Variants in UTP4 observed in about 807,000 individuals in gnomAD.
UTP4 encodes the protein U3 small nucleolar RNA-associated protein 4 homolog.
In UTP4, 45 loss-of-function variants were observed where a neutral mutation model predicts 82.4. That is an observed-to-expected ratio of 0.55 (90% CI 0.43 to 0.70). The LOEUF is 0.70. Among genes scored for constraint, UTP4 ranks in the 30% least tolerant of loss-of-function variants. The pLI is 0.00. For synonymous variants in UTP4, 348 were observed against 300.3 expected (o/e 1.16, Z -1.64); for missense variants, 819 against 858.3 (o/e 0.95, Z 0.57).
intron 13 of UTP4, among the ~76,000 whole-genome samples, chr16:69,161,229 C>T (rs536802370): frequency 6.6e-5 from 10 of 152,328 alleles, no homozygotes; most frequent in African/African-American, 1.7e-4. Context: ...TCAGTAATGA[C>T]GCTGTCAGTC....
chr16:69,152,465 T>C lies in UTP4; in HGVS notation c.1003-1119T>C, dbSNP rs557936053. ...CAGGCTCAGCTAATTTCTGTTTTTC[T>C]TTTTTTTTTTTTTTTTTTTTTGAGA... On this transcript the variant is annotated intron_variant, in intron 8 of 16. Coordinates refer to ENST00000314423, the MANE Select transcript of UTP4 (RefSeq NM_032830.3). Among the ~76,000 whole-genome samples the C allele has an allele frequency of 4.4e-4, 42 of 94,422 alleles. No individual in the cohort carries two copies. In the East Asian group the frequency reaches 9.0e-3, roughly 20 times the overall value. 61.9% of individuals were successfully genotyped at this position (94,422 alleles called of 152,430 possible).
chr16:69,135,146 G>C (rs1962779876), intron 2 of UTP4, among the ~76,000 whole-genome samples: 1 of 151,842 alleles, frequency 6.6e-6, no homozygotes, highest in Non-Finnish European at 1.5e-5. Context: ...AATTTTATGA[G>C]GATAGGAACC....
intron 4 of UTP4, chr16:69,139,143 G>T (rs1597134131): frequency 6.7e-6 from 1 of 150,000 alleles, no homozygotes; most frequent in African/African-American, 2.5e-5. Flanking sequence ...TAGTTTTTGT[G>T]TTTTTAGTAG....
intron 13 of UTP4, among the ~76,000 whole-genome samples, chr16:69,161,853 G>T (rs1047955601): frequency 1.3e-5 from 2 of 151,940 alleles, no homozygotes; most frequent in African/African-American, 4.8e-5. Context: ...GTAGAGATGA[G>T]GTTTTGCTGT....
intron 15 of UTP4, chr16:69,165,850 C>A: frequency 4.4e-6 from 2 of 453,342 alleles, no homozygotes; most frequent in Admixed American, 3.4e-5. Flanking sequence ...CGGAAGGTGA[C>A]CCTCATCCGG....
chr16:69,151,325 CT>C (rs75659040), intron 8 of UTP4, among the ~76,000 whole-genome samples: 169 of 124,714 alleles, frequency 1.4e-3, no homozygotes, highest in Middle Eastern at 5.0e-3. Context: ...CTTTTTTTTT[CT>C]TTTTTTTTTT....
chr16:69,158,505 T>G (rs1015864369), intron 12 of UTP4, among the ~76,000 whole-genome samples: 1 of 152,070 alleles, frequency 6.6e-6, no homozygotes, highest in Admixed American at 6.6e-5. Context: ...GTTCATAAGC[T>G]GATCCAGAAG....
chr16:69,140,703 A>C (rs188497585), intron 5 of UTP4, among the ~76,000 whole-genome samples: 85 of 152,164 alleles, frequency 5.6e-4, no homozygotes, highest in African/African-American at 2.0e-3. Context: ...AGCTTATTAC[A>C]AAAAAGAGGG....
At chr16:69,156,973 G>T in intron 11 of UTP4, 111 bp from the exon 12 acceptor site, 1 of 1,103,642 alleles carries the variant, frequency 9.1e-7, no homozygotes, top group Non-Finnish European at 1.4e-6. Flanking sequence ...GAGTCAGTTG[G>T]CTTACTTAGA....
At chr16:69,159,484 T>TC (rs1300201036) in intron 12 of UTP4, among the ~76,000 whole-genome samples, 5 of 151,650 alleles carry the variant, frequency 3.3e-5, no homozygotes, top group African/African-American at 1.2e-4. Flanking sequence ...GGTCAAGAGA[T>TC]CGAGACCATG....
Position 69,153,625 on chromosome 16 carries a change from C to T in UTP4, c.1044C>T (p.Leu348=). 1 of 1,613,632 alleles carries T rather than the reference C, an allele frequency of 6.2e-7. No homozygotes were observed. The highest frequency in any genetic ancestry group is 1.3e-5 in the African/African-American group (1 of 75,044). Reference sequence around the variant, plus strand: ...GTTCTAAAAAGAGGCAGCTTCTCCTCTTCCAGTTTGCTCATCACTTAGAAC... The same window carrying T: ...GTTCTAAAAAGAGGCAGCTTCTCCTTTTCCAGTTTGCTCATCACTTAGAAC... ...ISCSKKRQLL[L]FQFAHHLELW... is the part of the protein sequence containing the mutation. The change falls in exon 9 of 17, where the codon CTC becomes CTT. Residue 348 remains leucine (L), a synonymous_variant. Transcript: ENST00000314423.
intron 13 of UTP4, among the ~76,000 whole-genome samples, chr16:69,160,764 T>G (rs1963544480): frequency 6.6e-6 from 1 of 151,874 alleles, no homozygotes; most frequent in African/African-American, 2.4e-5. Context: ...ACCTGGCTAA[T>G]TTTTGTATTT....
chr16:69,166,938 A>G (rs900183639), intron 15 of UTP4, 137 bp from the exon 16 acceptor site: 2 of 671,746 alleles, frequency 3.0e-6, no homozygotes, highest in Admixed American at 2.5e-5. Flanking sequence ...GTTTTCCCGA[A>G]TTAACGAATG....
chr16:69,164,031 C>T (rs1035592449), intron 14 of UTP4, among the ~76,000 whole-genome samples: 2 of 151,904 alleles, frequency 1.3e-5, no homozygotes, highest in Non-Finnish European at 2.9e-5. Flanking sequence ...ACTACAGGCG[C>T]CCGCCACCAT....
Position 69,153,609 on chromosome 16 carries a change from A to G in UTP4, c.1028A>G (p.Lys343Arg). 6.2e-7 allele frequency: 1 copy of G among 1,613,530 alleles called. No homozygotes were observed. The highest frequency in any genetic ancestry group is 8.5e-7 in the Non-Finnish European group (1 of 1,179,714). Residue 343 changes from lysine to arginine, a missense_variant, in exon 9 of 17, where the codon AAG becomes AGG. Lys to Arg is a conservative substitution (Grantham distance 26). Transcript: ENST00000314423. Reference protein sequence around the residue: ...PHRCLISCSKKRQLLLFQFAH... With the variant: ...PHRCLISCSKRRQLLLFQFAH... ...CGATGTCTCATCTCCTGTTCTAAAA[A>G]GAGGCAGCTTCTCCTCTTCCAGTTT...
intron 8 of UTP4, 42 bp downstream of exon 8, chr16:69,150,946 C>A: frequency 7.0e-7 from 1 of 1,421,500 alleles, no homozygotes; most frequent in Non-Finnish European, 9.9e-7. Context: ...CTCATCTCCC[C>A]ATCCCTGTGT....
intron 2 of UTP4, among the ~76,000 whole-genome samples, chr16:69,136,467 T>C (rs1047396451): frequency 6.6e-6 from 1 of 152,234 alleles, no homozygotes; most frequent in African/African-American, 2.4e-5. Flanking sequence ...CCTTTTCTGC[T>C]GAAAATGTTT....
chr16:69,157,907 T>TTTTTTTTTTTTTTTTTTTTTTTTTTTTTG (rs1467602489), intron 12 of UTP4, among the ~76,000 whole-genome samples: 1 of 150,310 alleles, frequency 6.7e-6, no homozygotes, highest in African/African-American at 2.4e-5. Flanking sequence ...AGTATTCTTA[T>TTTTTTTTTTTTTTTTTTTTTTTTTTTTTG]ACATACAGTT....
At chr16:69,135,054 A>T (rs1597131481) in intron 2 of UTP4, among the ~76,000 whole-genome samples, 2 of 136,186 alleles carry the variant, frequency 1.5e-5, no homozygotes, top group South Asian at 2.3e-4. Flanking sequence ...CCATATTATG[A>T]TTTTTCTGTT....
Sources: gnomAD v4.1 joint callset for allele counts (sites outside exome capture counted in the v4.1 genomes callset) on GRCh38, gnomAD v4.1.1 for gene constraint, MANE v1.5 for transcripts, NCBI Gene and HGNC (gene_info 2026-07-23, HGNC 2026-07-21) for gene names.